The following GRM8 variants were observed in gnomAD, a reference collection of about 807,000 sequenced individuals.
GRM8 encodes the protein metabotropic glutamate receptor 8.
Under a neutral mutation model 87.2 loss-of-function variants are expected in GRM8, and 47 were observed. The observed-to-expected ratio is 0.54, with a 90% CI of 0.43 to 0.69. The LOEUF is 0.69. Among genes scored for constraint, GRM8 ranks in the 30% least tolerant of loss-of-function variants. GRM8 has a pLI of 0.00. For missense variants in GRM8, 1,019 were observed against 1,139.2 expected (o/e 0.89, Z 1.52); for synonymous variants, 396 against 404.5 (o/e 0.98, Z 0.25).
intron 2 of GRM8, among the ~76,000 whole-genome samples, chr7:127,195,923 G>A (rs1394393272): frequency 6.6e-6 from 1 of 152,090 alleles, no homozygotes; most frequent in Non-Finnish European, 1.5e-5. Context: ...ACAGCCTGGT[G>A]TAAACTACCA....
intron 2 of GRM8, among the ~76,000 whole-genome samples, chr7:127,206,318 C>T (rs770341792): frequency 6.6e-6 from 1 of 151,992 alleles, no homozygotes; most frequent in Non-Finnish European, 1.5e-5. Context: ...TCAGAACAGC[C>T]GGAGTATATT....
intron 2 of GRM8, among the ~76,000 whole-genome samples, chr7:127,211,047 C>A (rs923723296): frequency 6.6e-6 from 1 of 152,102 alleles, no homozygotes; most frequent in Non-Finnish European, 1.5e-5. Context: ...TATATTGGAA[C>A]TTGTATTAGG....
chr7:127,106,359 C>A lies in GRM8; in HGVS notation c.727+137G>T, dbSNP rs918510732. Reference sequence around the variant, plus strand: ...AATCATTTATAATAAACCCAGCTTCCCTCTAGAGTGGACAGCCTAGTTCAT... The same window carrying A: ...AATCATTTATAATAAACCCAGCTTCACTCTAGAGTGGACAGCCTAGTTCAT... On this transcript the variant is annotated intron_variant, in intron 3 of 10. Coordinates refer to ENST00000339582, the MANE Select transcript of GRM8 (RefSeq NM_000845.3). The A allele has an allele frequency of 1.9e-4, 127 of 666,130 alleles. 1 individual carries two copies. Among genetic ancestry groups the A allele is most frequent in the South Asian group, 1.5e-4 (8 of 52,822 alleles). 41.3% of individuals were successfully genotyped at this position (666,130 alleles called of 1,614,324 possible).
chr7:126,979,513 A>T (rs543997137), intron 3 of GRM8, among the ~76,000 whole-genome samples: 23 of 152,328 alleles, frequency 1.5e-4, no homozygotes, highest in African/African-American at 5.5e-4. Context: ...TTAAGCATTT[A>T]TATGAGCCTA....
At chr7:126,589,703 C>A (rs1796495042) in intron 8 of GRM8, among the ~76,000 whole-genome samples, 1 of 152,158 alleles carries the variant, frequency 6.6e-6, no homozygotes, top group African/African-American at 2.4e-5. Flanking sequence ...AATAATACAA[C>A]TACGGGCCCT....
intron 9 of GRM8, among the ~76,000 whole-genome samples, chr7:126,476,723 T>C (rs28750726): frequency 0.066 from 9,993 of 152,060 alleles, 1,002 homozygotes; most frequent in African/African-American, 0.22. Flanking sequence ...AGATTGGCTA[T>C]TATCCAAAAG....
At chr7:127,181,004 C>A (rs1794403861) in intron 2 of GRM8, among the ~76,000 whole-genome samples, 1 of 151,940 alleles carries the variant, frequency 6.6e-6, no homozygotes, top group South Asian at 2.1e-4. Flanking sequence ...AGCAATTAGA[C>A]AAGAAAAAGA....
At chr7:126,902,706 T>A in intron 5 of GRM8, 27 bp from the exon 6 acceptor site, 1 of 1,477,924 alleles carries the variant, frequency 6.8e-7, no homozygotes, top group Non-Finnish European at 9.2e-7. Flanking sequence ...AGGTATGATT[T>A]TAATATTCTT....
At chr7:127,158,715 G>A (rs1004428274) in intron 2 of GRM8, among the ~76,000 whole-genome samples, 1 of 151,858 alleles carries the variant, frequency 6.6e-6, no homozygotes, top group Non-Finnish European at 1.5e-5. Flanking sequence ...CAAAGGCCCC[G>A]CCTCTTAATA....
intron 8 of GRM8, among the ~76,000 whole-genome samples, chr7:126,576,932 C>G (rs1045337718): frequency 6.6e-6 from 1 of 152,194 alleles, no homozygotes; most frequent in Admixed American, 6.5e-5. Flanking sequence ...TCTTCAAAAG[C>G]ACAGGTTGTG....
chr7:127,154,336 T>C (rs1792591522), intron 2 of GRM8, among the ~76,000 whole-genome samples: 1 of 152,134 alleles, frequency 6.6e-6, no homozygotes, highest in South Asian at 2.1e-4. Context: ...GCTCCAGCTA[T>C]TCCAAAGTAC....
chr7:126,632,858 C>T (rs1208324084), intron 7 of GRM8, among the ~76,000 whole-genome samples: 1 of 151,978 alleles, frequency 6.6e-6, no homozygotes. Context: ...CATGGGGGAA[C>T]AACACACACT....
At chr7:126,924,457 A>C (rs1443195312) in intron 3 of GRM8, among the ~76,000 whole-genome samples, 1 of 152,204 alleles carries the variant, frequency 6.6e-6, no homozygotes, top group Non-Finnish European at 1.5e-5. Flanking sequence ...GATGTCCCAG[A>C]TACAGTAACT....
At position 126,531,376 on chromosome 7, in the gene GRM8, G is replaced by A. The variant is rs78977501; in HGVS notation, c.2430+1576C>T. On this transcript the variant is annotated intron_variant, in intron 9 of 10. Coordinates refer to ENST00000339582, the MANE Select transcript of GRM8 (RefSeq NM_000845.3). The stretch of plus-strand genomic sequence containing the variant: ...TCTTTCAGTGTGCTTCTTAGATTTA[G>A]TTTGATTTCAGAAAGCTAAGAAAGA... Among the ~76,000 whole-genome samples the A allele has an allele frequency of 1.0e-3, 152 of 152,222 alleles. 1 individual carries two copies. Among genetic ancestry groups the A allele is most frequent in the African/African-American group, 3.3e-3 (139 of 41,544 alleles).
At chr7:126,944,793 A>G (rs1023939587) in intron 3 of GRM8, among the ~76,000 whole-genome samples, 2 of 152,222 alleles carry the variant, frequency 1.3e-5, no homozygotes, top group African/African-American at 4.8e-5. Flanking sequence ...AGAAAGCCAA[A>G]CAATCCCATA....
At chr7:126,570,343 T>C (rs753685419) in intron 8 of GRM8, among the ~76,000 whole-genome samples, 7 of 152,176 alleles carry the variant, frequency 4.6e-5, no homozygotes, top group Admixed American at 6.5e-5. Flanking sequence ...GAGCATGAAG[T>C]GGGATATGGG....
intron 8 of GRM8, among the ~76,000 whole-genome samples, chr7:126,596,086 T>A: frequency 6.6e-6 from 1 of 152,176 alleles, no homozygotes; most frequent in Non-Finnish European, 1.5e-5. Context: ...ATAGCACCAC[T>A]GCTCTCCAGA....
intron 3 of GRM8, among the ~76,000 whole-genome samples, chr7:126,922,080 C>T (rs780922771): frequency 1.3e-5 from 2 of 152,038 alleles, no homozygotes; most frequent in African/African-American, 2.4e-5. Flanking sequence ...TTTGGATATA[C>T]TGAAAGGATA....
chr7:126,948,792 G>A (rs953402638), intron 3 of GRM8, among the ~76,000 whole-genome samples: 2 of 152,192 alleles, frequency 1.3e-5, no homozygotes, highest in Admixed American at 6.5e-5. Context: ...GCCAGCCCAA[G>A]GACCACAGCC....
Sources: allele counts gnomAD v4.1 joint callset (sites outside exome capture counted in the v4.1 genomes callset), GRCh38; gene constraint gnomAD v4.1.1; transcripts MANE v1.5; gene names NCBI Gene and HGNC (gene_info 2026-07-23, HGNC 2026-07-21).